Variants in CDH13 observed in about 807,000 individuals in gnomAD.
CDH13 encodes the protein cadherin 13, also known as cadherin-13.
In CDH13, 24 loss-of-function variants were observed where a neutral mutation model predicts 63.8. That is an observed-to-expected ratio of 0.38 (90% CI 0.27 to 0.53). CDH13 has a LOEUF of 0.53. Ranked by LOEUF, CDH13 falls within the 20% of genes least tolerant of loss-of-function variation. The pLI, the probability that CDH13 is intolerant of heterozygous loss-of-function variation, is 0.85. For synonymous variants in CDH13, 503 were observed against 355.3 expected (o/e 1.42, Z -4.67); for missense variants, 1,049 against 903.1 (o/e 1.16, Z -2.07).
At chr16:83,514,984 A>G (rs1449891110) in intron 7 of CDH13, among the ~76,000 whole-genome samples, 2 of 152,138 alleles carry the variant, frequency 1.3e-5, no homozygotes, top group Non-Finnish European at 2.9e-5. Context: ...GGCGAAATGG[A>G]GACTGAAAGA....
intron 7 of CDH13, among the ~76,000 whole-genome samples, chr16:83,587,962 A>G (rs1906333371): frequency 1.5e-5 from 2 of 136,920 alleles, no homozygotes; most frequent in Admixed American, 7.2e-5. Context: ...TTTTTTTTTG[A>G]AAGATCATTT....
intron 3 of CDH13, among the ~76,000 whole-genome samples, chr16:83,060,342 C>T (rs12447793): frequency 0.23 from 35,698 of 152,150 alleles, 4,509 homozygotes; most frequent in Admixed American, 0.3. Context: ...GGTCTCCATT[C>T]TTAAAAATCC....
intron 3 of CDH13, among the ~76,000 whole-genome samples, chr16:83,106,354 G>A (rs1255278561): frequency 7.9e-5 from 12 of 152,026 alleles, no homozygotes; most frequent in African/African-American, 1.9e-4. Context: ...CCTGGCCAAC[G>A]TTGTGAAACC....
intron 5 of CDH13, among the ~76,000 whole-genome samples, chr16:83,262,357 A>G (rs891357766): frequency 6.6e-6 from 1 of 152,214 alleles, no homozygotes; most frequent in Non-Finnish European, 1.5e-5. Flanking sequence ...TCTGAGAGCC[A>G]GAGGAATCTC....
At chr16:83,081,450 G>T (rs2033247438) in intron 3 of CDH13, among the ~76,000 whole-genome samples, 1 of 152,158 alleles carries the variant, frequency 6.6e-6, no homozygotes, top group Non-Finnish European at 1.5e-5. Context: ...TTAGAGAATA[G>T]GGTATACACA....
chr16:83,765,952 C>G (rs1001429186), intron 11 of CDH13, among the ~76,000 whole-genome samples: 2 of 152,106 alleles, frequency 1.3e-5, no homozygotes, highest in African/African-American at 4.8e-5. Flanking sequence ...TCAACAGATG[C>G]ACAGCTACCT....
At chr16:82,983,288 CAGTTT>C (rs770198668) in intron 2 of CDH13, among the ~76,000 whole-genome samples, 3 of 152,172 alleles carry the variant, frequency 2.0e-5, no homozygotes, top group Non-Finnish European at 4.4e-5. Context: ...ATTTTCATCT[CAGTTT>C]GATAGCTCTC....
intron 4 of CDH13, among the ~76,000 whole-genome samples, chr16:83,125,761 T>C (rs1370183008): frequency 6.6e-6 from 1 of 152,200 alleles, no homozygotes; most frequent in African/African-American, 2.4e-5. Context: ...AAGATGTCAA[T>C]GGTTAAGAAA....
At chr16:83,317,127 A>T (rs538107505) in intron 5 of CDH13, among the ~76,000 whole-genome samples, 2 of 152,208 alleles carry the variant, frequency 1.3e-5, no homozygotes, top group African/African-American at 4.8e-5. Context: ...ACATCCTACA[A>T]TGCCCAGAAA....
At chr16:83,338,410 A>C (rs2090648290) in intron 5 of CDH13, among the ~76,000 whole-genome samples, 1 of 152,200 alleles carries the variant, frequency 6.6e-6, no homozygotes, top group Non-Finnish European at 1.5e-5. Flanking sequence ...AGCCTCTTCC[A>C]AAGAGGGCTC....
chr16:83,407,423 C>T (rs1349126277), intron 6 of CDH13, among the ~76,000 whole-genome samples: 2 of 152,162 alleles, frequency 1.3e-5, no homozygotes, highest in African/African-American at 4.8e-5. Flanking sequence ...AGCCCCTGAA[C>T]TTAAGGAAAT....
chr16:83,233,850 G>A (rs115022682), intron 5 of CDH13, among the ~76,000 whole-genome samples: 155 of 152,250 alleles, frequency 1.0e-3, no homozygotes, highest in African/African-American at 3.6e-3. Flanking sequence ...ACATTAGGAG[G>A]TGGGCATCTC....
chr16:82,843,573 G>GA (rs34417118), intron 1 of CDH13, among the ~76,000 whole-genome samples: 10 of 150,150 alleles, frequency 6.7e-5, no homozygotes, highest in South Asian at 2.1e-4. Context: ...ACCTTTAGCA[G>GA]AAAAAAAAAG....
chr16:82,765,940 A>G (rs2035038612), intron 1 of CDH13, among the ~76,000 whole-genome samples: 2 of 152,198 alleles, frequency 1.3e-5, no homozygotes, highest in African/African-American at 2.4e-5. Context: ...TCATAAAATC[A>G]TCTCTCATAG....
chr16:83,177,862 C>T (rs2038191089), intron 4 of CDH13, among the ~76,000 whole-genome samples: 2 of 152,134 alleles, frequency 1.3e-5, no homozygotes, highest in Admixed American at 6.5e-5. Context: ...TTACCTAATA[C>T]CTGCTTTTCC....
chr16:83,334,219 A>G (rs1487899812), intron 5 of CDH13, among the ~76,000 whole-genome samples: 4 of 151,844 alleles, frequency 2.6e-5, no homozygotes, highest in East Asian at 1.9e-4. Flanking sequence ...GCCAGATGCC[A>G]TATAATTCAT....
At chr16:82,905,888 G>T (rs1196880266) in intron 2 of CDH13, among the ~76,000 whole-genome samples, 4 of 152,158 alleles carry the variant, frequency 2.6e-5, no homozygotes, top group Non-Finnish European at 5.9e-5. Context: ...GCATTGTACA[G>T]TGTGGCAAAA....
chr16:82,795,467 G>A (rs184193925), intron 1 of CDH13, among the ~76,000 whole-genome samples: 2 of 152,208 alleles, frequency 1.3e-5, no homozygotes, highest in African/African-American at 2.4e-5. Flanking sequence ...TTATGTAACA[G>A]TGACAACTAA....
chr16:82,850,489 G>A (rs2039438299), intron 1 of CDH13, among the ~76,000 whole-genome samples: 1 of 152,212 alleles, frequency 6.6e-6, no homozygotes, highest in African/African-American at 2.4e-5. Flanking sequence ...TCTAATCCTG[G>A]TGAAGATGCT....
Sources: allele counts gnomAD v4.1 joint callset (sites outside exome capture counted in the v4.1 genomes callset), GRCh38; gene constraint gnomAD v4.1.1; transcripts MANE v1.5; gene names NCBI Gene and HGNC (gene_info 2026-07-23, HGNC 2026-07-21).